The following STX3 variants were observed in gnomAD, a reference collection of about 807,000 sequenced individuals.
The protein encoded by STX3 is syntaxin-3.
A neutral mutation model predicts 40.2 loss-of-function variants in STX3; 19 were observed. The observed-to-expected ratio is 0.47, with a 90% CI of 0.33 to 0.69. The LOEUF (loss-of-function observed/expected upper bound fraction) is 0.69. Among genes scored for constraint, STX3 ranks in the 30% least tolerant of loss-of-function variants. The probability of loss-of-function intolerance (pLI) is 0.02; values close to 1 mark genes in which losing one functional copy is unlikely to be tolerated. For synonymous variants in STX3, 122 were observed against 132.2 expected (o/e 0.92, Z 0.53); for missense variants, 364 against 366.7 (o/e 0.99, Z 0.06).
Position 59,802,907 on chromosome 11 carries a change from C to G in STX3, c.*2083C>G. On this transcript the variant is annotated 3_prime_UTR_variant, in exon 11 of 11. Transcript: ENST00000337979. ...TTTGTGTTTCAGATTTGAGGTGTTC[C>G]CCCCAAAAGAATTTGGTTCAGTCCT... The G allele has an allele frequency of 1.0e-6, 1 of 985,344 alleles. No homozygotes were observed. Among genetic ancestry groups the G allele is most frequent in the Non-Finnish European group, 1.2e-6 (1 of 829,928 alleles). The allele number at this position is 985,344 out of a possible 1,614,324, so 61.0% of individuals were successfully genotyped here. A position where few individuals can be genotyped will look rare whatever the true frequency, so the allele number is the denominator to read the frequency against.
rs1226701458 is a variant in STX3, at chr11:59,804,362, G to C, written c.*3538G>C. On this transcript the variant is annotated 3_prime_UTR_variant, in exon 11 of 11. Transcript: ENST00000337979. ...GCACATGCCTATCTTGCTCACTGCT[G>C]TGTCCCCACTTTTTAGCACAGCGCC... is the stretch of plus-strand genomic sequence containing the variant. The C allele has an allele frequency of 2.6e-5, 4 of 152,210 alleles. No individual in the cohort carries two copies. The South Asian group carries it at 8.3e-4, about 32-fold the overall frequency. 9.4% of individuals were successfully genotyped at this position (152,210 alleles called of 1,614,324 possible).
chr11:59,793,325 C>A, intron 7 of STX3, 55 bp from the exon 8 acceptor site: 1 of 1,601,834 alleles, frequency 6.2e-7, no homozygotes, highest in South Asian at 1.1e-5. Flanking sequence ...AGGGCTGTGG[C>A]AGGGGCAGCC....
chr11:59,773,319 TC>T, intron 2 of STX3, 25 bp downstream of exon 2: 2 of 1,610,796 alleles, frequency 1.2e-6, no homozygotes, highest in Non-Finnish European at 1.7e-6. Context: ...TGTATTTTTT[TC>T]TAAATGTACA....
chr11:59,754,296 C>T (rs1212083062), upstream of STX3: 1 of 152,158 alleles, frequency 6.6e-6, no homozygotes, highest in Non-Finnish European at 1.5e-5. Context: ...TTTATGGGAG[C>T]CGATGAGGTC....
intron 2 of STX3, among the ~76,000 whole-genome samples, chr11:59,778,844 T>G (rs1864167100): frequency 6.6e-6 from 1 of 150,848 alleles, no homozygotes; most frequent in African/African-American, 2.4e-5. Context: ...TTTTTTTTTT[T>G]TTTTTTGGGG....
chr11:59,757,655 C>T (rs1862793225), intron 1 of STX3, among the ~76,000 whole-genome samples: 1 of 152,154 alleles, frequency 6.6e-6, no homozygotes, highest in African/African-American at 2.4e-5. Flanking sequence ...CACAGGGTGG[C>T]TTCTGTAGCG....
chr11:59,792,630 G>T (rs1266321265), intron 6 of STX3, among the ~76,000 whole-genome samples: 1 of 152,202 alleles, frequency 6.6e-6, no homozygotes, highest in Non-Finnish European at 1.5e-5. Context: ...CTTTAGGAAT[G>T]TAGTAATGTG....
At chr11:59,775,811 A>C (rs1464082588) in intron 2 of STX3, among the ~76,000 whole-genome samples, 1 of 152,154 alleles carries the variant, frequency 6.6e-6, no homozygotes, top group Non-Finnish European at 1.5e-5. Context: ...TGCATTGCTT[A>C]TTTCTTTCTC....
chr11:59,795,701 G>A (rs1015101772), intron 9 of STX3: 12 of 1,536,736 alleles, frequency 7.8e-6, no homozygotes, highest in Non-Finnish European at 1.0e-5. Context: ...GTATCAGAGT[G>A]AAGCCCGGAG....
At chr11:59,764,269 C>T (rs542282576) in intron 1 of STX3, among the ~76,000 whole-genome samples, 57 of 152,248 alleles carry the variant, frequency 3.7e-4, no homozygotes, top group African/African-American at 1.3e-3. Context: ...AAAAACAAGG[C>T]CCAATTTTCT....
intron 2 of STX3, among the ~76,000 whole-genome samples, chr11:59,775,154 T>C (rs1416910143): frequency 6.6e-6 from 1 of 152,036 alleles, no homozygotes; most frequent in Admixed American, 6.6e-5. Flanking sequence ...TCTGTTAGAG[T>C]AATAAACAGG....
intron 8 of STX3, among the ~76,000 whole-genome samples, chr11:59,795,060 TAAC>T (rs989567568): frequency 7.9e-5 from 12 of 152,288 alleles, no homozygotes; most frequent in African/African-American, 2.9e-4. Flanking sequence ...GTAAAAAAAA[TAAC>T]AAAGGTTGTC....
chr11:59,773,779 A>G (rs190869432), intron 2 of STX3, among the ~76,000 whole-genome samples: 4 of 152,292 alleles, frequency 2.6e-5, no homozygotes, highest in Admixed American at 2.6e-4. Flanking sequence ...CAGGAGTTCA[A>G]GAACAACCTG....
chr11:59,758,322 A>G (rs181301146), intron 1 of STX3, among the ~76,000 whole-genome samples: 29 of 152,302 alleles, frequency 1.9e-4, no homozygotes, highest in Non-Finnish European at 3.4e-4. Context: ...ACTAGGAGAT[A>G]TAAGGCCTTC....
At chr11:59,780,801 C>G (rs963961916) in intron 2 of STX3, among the ~76,000 whole-genome samples, 5 of 152,186 alleles carry the variant, frequency 3.3e-5, no homozygotes, top group Non-Finnish European at 7.4e-5. Context: ...TAAACAATCC[C>G]TTTATTATAT....
At chr11:59,789,019 C>A in intron 4 of STX3, 72 bp downstream of exon 4, 3 of 1,392,474 alleles carry the variant, frequency 2.2e-6, no homozygotes, top group Non-Finnish European at 3.0e-6. Context: ...GTCCAGCTTT[C>A]CGAACTGAAA....
intron 2 of STX3, among the ~76,000 whole-genome samples, chr11:59,777,796 CTG>C (rs1370380749): frequency 1.3e-5 from 2 of 152,180 alleles, no homozygotes; most frequent in Non-Finnish European, 2.9e-5. Flanking sequence ...TATAAAACAA[CTG>C]TTTGTTTTGC....
intron 2 of STX3, among the ~76,000 whole-genome samples, chr11:59,778,309 G>A (rs1864114994): frequency 6.6e-6 from 1 of 152,102 alleles, no homozygotes; most frequent in Admixed American, 6.5e-5. Context: ...AAAGTCCAAA[G>A]GTCCTTTCAT....
intron 2 of STX3, among the ~76,000 whole-genome samples, chr11:59,777,458 G>T (rs1046587419): frequency 1.3e-5 from 2 of 152,212 alleles, no homozygotes; most frequent in Non-Finnish European, 2.9e-5. Flanking sequence ...TCACTCCGAT[G>T]GCAGTTTGTG....
Sources: allele counts gnomAD v4.1 joint callset (sites outside exome capture counted in the v4.1 genomes callset), GRCh38; gene constraint gnomAD v4.1.1; transcripts MANE v1.5; gene names NCBI Gene and HGNC (gene_info 2026-07-23, HGNC 2026-07-21).